Variants in RBPJ observed in about 807,000 individuals in gnomAD.
The protein encoded by RBPJ is recombination signal binding protein for immunoglobulin kappa J region.
Under a neutral mutation model 67.8 loss-of-function variants are expected in RBPJ, and 9 were observed. The ratio of observed to expected loss-of-function variants is 0.13; its 90% CI spans 0.08 to 0.23. The LOEUF is 0.23. Among genes scored for constraint, RBPJ ranks in the 10% least tolerant of loss-of-function variants. RBPJ has a pLI of 1.00. For missense variants in RBPJ, 305 were observed against 595.6 expected (o/e 0.51, Z 5.08); for synonymous variants, 198 against 203.3 (o/e 0.97, Z 0.22).
Position 26,429,983 on chromosome 4 carries a change from A to G in RBPJ, c.974A>G (p.Tyr325Cys), listed in dbSNP as rs1283617511. 4.3e-6 allele frequency: 7 copies of G among 1,613,976 alleles called. No individual in the cohort carries two copies. Among genetic ancestry groups the G allele is most frequent in the Non-Finnish European group, 5.9e-6 (7 of 1,179,956 alleles). ...WTIISTDKAE[Y>C]TFYEGMGPVL... is the part of the protein sequence containing the mutation. ...ATCATTAGCACAGATAAGGCAGAGTATACATTTTATGAGGGAATGGGCCCT... is the reference window on the plus strand; with the variant it reads ...ATCATTAGCACAGATAAGGCAGAGTGTACATTTTATGAGGGAATGGGCCCT... Residue 325 changes from tyrosine to cysteine, a missense_variant, in exon 9 of 11, where the codon TAT (tyrosine) becomes TGT (cysteine). Tyr to Cys is a radical substitution (Grantham distance 194). Transcript: ENST00000355476.
At chr4:26,180,061 C>T (rs377128820) in intron 1 of RBPJ, among the ~76,000 whole-genome samples, 79 of 152,188 alleles carry the variant, frequency 5.2e-4, no homozygotes, top group African/African-American at 1.3e-3. Context: ...TCTTAGCAAA[C>T]TAGCACAGGA....
At position 26,325,923 on chromosome 4, in the gene RBPJ, A is replaced by C. The variant is rs146452507; in HGVS notation, c.20+4875A>C. Among the ~76,000 whole-genome samples the C allele has an allele frequency of 1.2e-4, 19 of 152,328 alleles. No individual in the cohort carries two copies. In the East Asian group the frequency reaches 3.5e-3, roughly 28 times the overall value. Reference sequence around the variant, plus strand: ...ATAAATACTGTATATTTAATACAGTATTAAATGCTGTATATAATTCTCTTG... The same window carrying C: ...ATAAATACTGTATATTTAATACAGTCTTAAATGCTGTATATAATTCTCTTG... On this transcript the variant is annotated intron_variant, in intron 1 of 10. Coordinates refer to ENST00000355476, the MANE Select transcript of RBPJ (RefSeq NM_015874.6).
chr4:26,220,016 C>T (rs1718851099), intron 1 of RBPJ, among the ~76,000 whole-genome samples: 1 of 151,926 alleles, frequency 6.6e-6, no homozygotes, highest in Admixed American at 6.6e-5. Flanking sequence ...ATCTGGTGAC[C>T]TCGTGATCAG....
At chr4:26,245,996 G>T (rs2109229143) in intron 1 of RBPJ, among the ~76,000 whole-genome samples, 1 of 152,292 alleles carries the variant, frequency 6.6e-6, no homozygotes, top group East Asian at 1.9e-4. Context: ...ATGGGAAAGG[G>T]TAAGTCTCCA....
At chr4:26,215,157 AGAAGGAGGATAGGGAAG>A (rs1718644198) in intron 1 of RBPJ, among the ~76,000 whole-genome samples, 1 of 20,220 alleles carries the variant, frequency 4.9e-5, no homozygotes, top group African/African-American at 2.6e-4. Context: ...AGGGAGGGAG[AGAAGGAGGATAGGGAAG>A]GAGGAAGGAA....
chr4:26,422,013 C>T (rs1735186077), intron 5 of RBPJ, among the ~76,000 whole-genome samples: 1 of 152,100 alleles, frequency 6.6e-6, no homozygotes, highest in African/African-American at 2.4e-5. Context: ...TGTTTTCCTT[C>T]TATGTCATTT....
At chr4:26,123,520 T>G in the RBPJ span, among the ~76,000 whole-genome samples, 3 of 152,246 alleles carry the variant, frequency 2.0e-5, no homozygotes, top group African/African-American at 7.2e-5. Flanking sequence ...TTTTTTTTCT[T>G]TCTTCAACAA....
At chr4:26,207,680 G>A (rs778261827) in intron 1 of RBPJ, among the ~76,000 whole-genome samples, 17 of 152,178 alleles carry the variant, frequency 1.1e-4, no homozygotes, top group Non-Finnish European at 2.2e-4. Context: ...CTGCCCTTGG[G>A]GAGCTGATGC....
At chr4:26,240,215 G>A (rs1045917075) in intron 1 of RBPJ, among the ~76,000 whole-genome samples, 5 of 152,128 alleles carry the variant, frequency 3.3e-5, no homozygotes, top group East Asian at 1.9e-4. Context: ...ATCATTTGCC[G>A]TTTATCTGAA....
intron 1 of RBPJ, among the ~76,000 whole-genome samples, chr4:26,184,921 C>G (rs749477455): frequency 4.2e-4 from 64 of 152,106 alleles, no homozygotes; most frequent in Non-Finnish European, 8.1e-4. Flanking sequence ...ATGGGCAGAT[C>G]ACCTGAGGTC....
At chr4:26,269,808 G>T (rs1362799049) in intron 1 of RBPJ, among the ~76,000 whole-genome samples, 1 of 151,898 alleles carries the variant, frequency 6.6e-6, no homozygotes, top group Non-Finnish European at 1.5e-5. Context: ...AGGGAGAGGG[G>T]TAGAATGACA....
chr4:26,286,848 A>G (rs1302319428), intron 1 of RBPJ, among the ~76,000 whole-genome samples: 2 of 145,680 alleles, frequency 1.4e-5, no homozygotes, highest in Non-Finnish European at 3.0e-5. Flanking sequence ...TGCAGTGGCC[A>G]CTATCTCTGT....
At chr4:26,420,825 C>T in intron 5 of RBPJ, 100 bp downstream of exon 5, 1 of 907,874 alleles carries the variant, frequency 1.1e-6, no homozygotes, top group Non-Finnish European at 1.6e-6. Flanking sequence ...CCAATTAATT[C>T]TTTACTAATA....
intron 1 of RBPJ, among the ~76,000 whole-genome samples, chr4:26,302,509 G>A (rs2109300630): frequency 6.6e-6 from 1 of 152,272 alleles, no homozygotes; most frequent in Admixed American, 6.5e-5. Flanking sequence ...GGTAACATCA[G>A]CATGCTTATT....
chr4:26,406,292 A>G (rs1244338523), intron 3 of RBPJ, 22 bp downstream of exon 3: 2 of 1,481,274 alleles, frequency 1.4e-6, no homozygotes, highest in East Asian at 4.5e-5. Flanking sequence ...TTTCTGGTGG[A>G]TAGTTAATTG....
chr4:26,147,688 G>A, the RBPJ span, among the ~76,000 whole-genome samples: 14 of 152,042 alleles, frequency 9.2e-5, no homozygotes, highest in African/African-American at 2.7e-4. Context: ...GCGTGATCTC[G>A]GCTTACTGCA....
At chr4:26,245,203 A>ATTTTT (rs869234645) in intron 1 of RBPJ, among the ~76,000 whole-genome samples, 634 of 98,166 alleles carry the variant, frequency 6.5e-3, no homozygotes, top group Non-Finnish European at 8.2e-3. Flanking sequence ...TCACTATTGT[A>ATTTTT]TTTTTTTTTT....
the RBPJ span, among the ~76,000 whole-genome samples, chr4:26,153,547 G>A: frequency 6.6e-6 from 1 of 152,180 alleles, no homozygotes; most frequent in African/African-American, 2.4e-5. Context: ...GGATGAAGAG[G>A]CATGCTAGTG....
chr4:26,286,472 C>CAAAA lies in RBPJ; in HGVS notation c.-166-75955_-166-75952dup, dbSNP rs57556548. ...TGTATGAAAAACCGAGACCCTGCCT[C>CAAAA]AAAAAAAAAAAAAAAAAAAAAAGAG... On this transcript the variant is annotated intron_variant, in intron 1 of 4. Transcript: ENST00000512351. 4.5e-3 allele frequency among the ~76,000 whole-genome samples: 446 copies of CAAAA among 99,426 alleles called. 5 individuals are homozygous for CAAAA. The highest frequency in any genetic ancestry group is 0.018 in the African/African-American group (375 of 21,052). The allele number at this position is 99,426 out of a possible 152,430, so 65.2% of individuals were successfully genotyped here. A position where few individuals can be genotyped will look rare whatever the true frequency, so the allele number is the denominator to read the frequency against.
Sources: allele counts gnomAD v4.1 joint callset (sites outside exome capture counted in the v4.1 genomes callset), GRCh38; gene constraint gnomAD v4.1.1; transcripts MANE v1.5; gene names NCBI Gene and HGNC (gene_info 2026-07-23, HGNC 2026-07-21).